MCM4: variants seen among roughly 807,000 people sequenced by gnomAD.
The protein encoded by MCM4 is DNA replication licensing factor MCM4.
In MCM4, 60 loss-of-function variants were observed where a neutral mutation model predicts 88.7. The observed-to-expected ratio is 0.68, with a 90% confidence interval of 0.55 to 0.84. The LOEUF (loss-of-function observed/expected upper bound fraction) is 0.84. Among genes scored for constraint, MCM4 ranks in the 40% least tolerant of loss-of-function variants. The pLI is 0.00. For synonymous variants in MCM4, 465 were observed against 410.5 expected, an observed-to-expected ratio of 1.13 and a Z score of -1.61; for missense variants, 1,149 against 1,105.5, an observed-to-expected ratio of 1.04 and a Z score of -0.56.
intron 10 of MCM4, 107 bp downstream of exon 10, chr8:47,967,592 T>A: frequency 7.2e-7 from 1 of 1,397,172 alleles, no homozygotes; most frequent in Non-Finnish European, 1.0e-6. Context: ...TACCTCCAGT[T>A]GTCACTGCTT....
At chr8:47,974,609 G>A (rs1023705219) in intron 14 of MCM4, 125 bp from the exon 15 acceptor site, 36 of 739,512 alleles carry the variant, frequency 4.9e-5, no homozygotes, top group Middle Eastern at 3.9e-4. Context: ...GATGAGCTCC[G>A]GGGCCCAGGA....
intron 14 of MCM4, among the ~76,000 whole-genome samples, 196 bp downstream of exon 14, chr8:47,973,260 C>G (rs2090972045): frequency 6.6e-6 from 1 of 151,612 alleles, no homozygotes; most frequent in East Asian, 2.0e-4. Flanking sequence ...AGCCTGTGGC[C>G]TGTGCTTCTG....
intron 2 of MCM4, 76 bp from the exon 3 acceptor site, chr8:47,961,440 C>T: frequency 2.5e-6 from 4 of 1,609,568 alleles, no homozygotes; most frequent in Non-Finnish European, 3.4e-6. Context: ...AGTCATAATG[C>T]CCCAAGGAAA....
Position 47,964,691 on chromosome 8 carries a change from ATGAGAAACC to A in MCM4, c.815_823del (p.Arg272_Leu274del). On this transcript the variant is annotated inframe_deletion, in exon 8 of 17. Transcript: ENST00000649973. ...ATTCAACGCATTGAAGACTAAGAATATGAGAAACCTGAATCCAGAAGGTAATGTATTTTT... is the reference window on the plus strand; with the variant it reads ...ATTCAACGCATTGAAGACTAAGAATATGAATCCAGAAGGTAATGTATTTTT... The A allele has an allele frequency of 6.4e-7, 1 of 1,569,412 alleles. No homozygotes were observed. The highest frequency in any genetic ancestry group is 8.6e-7 in the Non-Finnish European group (1 of 1,162,668).
intron 3 of MCM4, 143 bp downstream of exon 3, chr8:47,961,823 A>T: frequency 1.8e-6 from 2 of 1,139,660 alleles, no homozygotes; most frequent in Non-Finnish European, 2.5e-6. Context: ...TAACCAGAGG[A>T]GCTGAACGGA....
intron 14 of MCM4, 172 bp from the exon 15 acceptor site, chr8:47,974,562 C>A: frequency 1.6e-6 from 1 of 625,426 alleles, no homozygotes; most frequent in Non-Finnish European, 2.9e-6. Flanking sequence ...TCTTCACCTG[C>A]GATTTCTGTG....
chr8:47,961,106 G>T, intron 1 of MCM4, 25 bp from the exon 2 acceptor site: 1 of 1,527,530 alleles, frequency 6.5e-7, no homozygotes, highest in Non-Finnish European at 8.7e-7. Context: ...GGCGGGCCCG[G>T]CCCGAGCTTG....
rs759434295 is a variant in MCM4 at position 47,972,965 on chromosome 8, G to T, written c.2037G>T (p.Glu679Asp). The T allele has an allele frequency of 6.2e-7, 1 of 1,614,072 alleles. No homozygotes were observed. Among genetic ancestry groups the T allele is most frequent in the African/African-American group, 1.3e-5 (1 of 74,932 alleles). Reference sequence around the variant, plus strand: ...ACCAGAGCGAGGAGCAGGCAGAGGAGGAGCTCCTGGACATGGCGGTGCTAA... The same window carrying T: ...ACCAGAGCGAGGAGCAGGCAGAGGATGAGCTCCTGGACATGGCGGTGCTAA... ...LYYQSEEQAEEELLDMAVLKD... is the reference protein window; with the variant it reads ...LYYQSEEQAEDELLDMAVLKD... The change falls in exon 14 of 17, where the codon GAG (glutamate) becomes GAT (aspartate). Residue 679 changes from glutamate to aspartate, a missense_variant. Transcript: ENST00000649973.
chr8:47,974,983 A>G (rs371797675), intron 15 of MCM4, 21 bp downstream of exon 15: 152 of 1,573,108 alleles, frequency 9.7e-5, no homozygotes, highest in Middle Eastern at 6.7e-4. Flanking sequence ...TTCAGTGAAC[A>G]GAAAAGCTTT....
At chr8:47,975,657 T>A (rs1563836661) in intron 15 of MCM4, 58 bp from the exon 16 acceptor site, 1 of 1,346,836 alleles carries the variant, frequency 7.4e-7, no homozygotes, top group Non-Finnish European at 1.0e-6. Flanking sequence ...TTTTGAGAAT[T>A]TGAAGCATTT....
At position 47,970,521 on chromosome 8, in the gene MCM4, T is replaced by C; in HGVS notation, c.1445T>C (p.Leu482Pro). The change falls in exon 12 of 17, where the codon CTT becomes CCT. Residue 482 changes from leucine to proline, a missense_variant. Around this residue, in one of 3 missense-constraint regions of MCM4, gnomAD observed 906 missense variants for 843.0 expected, o/e 1.07. Coordinates refer to ENST00000649973, the MANE Select transcript of MCM4 (RefSeq NM_182746.3). ...EHEDIKKGIL[L>P]QLFGGTRKDF... ...TCTCTGATTATTTAGGGAATTTTGCTTCAGCTCTTTGGCGGGACAAGGAAG... is the reference window on the plus strand; with the variant it reads ...TCTCTGATTATTTAGGGAATTTTGCCTCAGCTCTTTGGCGGGACAAGGAAG... 6.3e-7 allele frequency: 1 copy of C among 1,598,064 alleles called. No individual in the cohort carries two copies. Among genetic ancestry groups the C allele is most frequent in the Non-Finnish European group, 8.6e-7 (1 of 1,167,948 alleles).
At chr8:47,965,258 G>C (rs774214679) in intron 8 of MCM4, among the ~76,000 whole-genome samples, 2 of 151,920 alleles carry the variant, frequency 1.3e-5, no homozygotes, top group Non-Finnish European at 1.5e-5. Context: ...AGGATCACTT[G>C]AGGCCAGGAG....
rs768531205 is a variant in MCM4, at chr8:47,970,561, T to C, written c.1485T>C (p.Thr495=). 1.2e-6 allele frequency: 2 copies of C among 1,613,662 alleles called. No homozygotes were observed. The highest frequency in any genetic ancestry group is 1.7e-5 in the Admixed American group (1 of 59,986). ...GGACAAGGAAGGATTTTAGTCACAC[T>C]GGAAGGGGCAAATTTCGGGCTGAGA... ...FGGTRKDFSH[T]GRGKFRAEIN... is the part of the protein sequence containing the mutation. The change falls in exon 12 of 17, where the codon ACT becomes ACC. Residue 495 remains threonine, a synonymous_variant. Transcript: ENST00000649973.
chr8:47,976,321 T>C (rs1589835457), intron 16 of MCM4, among the ~76,000 whole-genome samples: 1 of 151,948 alleles, frequency 6.6e-6, no homozygotes, highest in East Asian at 1.9e-4. Context: ...AAAATTGTTA[T>C]GCCCCTTTCA....
intron 10 of MCM4, chr8:47,968,896 A>C (rs2090924651): frequency 6.6e-6 from 1 of 151,242 alleles, no homozygotes; most frequent in Admixed American, 6.6e-5. Context: ...AGAAGAATGC[A>C]TGATTTGCAT....
In MCM4 at chr8:47,966,308, C is replaced by T. The variant is rs1283087056; in HGVS notation, c.954C>T (p.Asp318=). 6.2e-7 allele frequency: 1 copy of T among 1,614,050 alleles called. No homozygotes were observed. The highest frequency in any genetic ancestry group is 1.1e-5 in the South Asian group (1 of 91,084). The change falls in exon 9 of 17, where the codon GAC becomes GAT. Residue 318 remains aspartate (D), a synonymous_variant. Transcript: ENST00000649973. ...VCAHTTRVEM[D]RGRIAEPSVC... ...CCCACACGACCCGGGTGGAGATGGA[C>T]CGCGGCCGCATTGCAGAGCCCAGTG...
At chr8:47,963,501 T>C (rs554979418) in intron 7 of MCM4, among the ~76,000 whole-genome samples, 2 of 152,300 alleles carry the variant, frequency 1.3e-5, no homozygotes, top group South Asian at 4.2e-4. Flanking sequence ...GAACATTTTT[T>C]TTTCACATTT....
Position 47,961,144 on chromosome 8 carries a change from T to A in MCM4, c.-1T>A, listed in dbSNP as rs764802078. ...CTTGTCGCGCAGGTACTCCGAGCAC[T>A]ATGTCGTCCCCGGCGTCGACCCCGA... is the stretch of plus-strand genomic sequence containing the variant. On this transcript the variant is annotated 5_prime_UTR_variant, in exon 2 of 17. Transcript: ENST00000649973. 6 of 1,553,354 alleles carry A rather than the reference T, an allele frequency of 3.9e-6. No individual in the cohort carries two copies. The Admixed American group carries it at 7.2e-5, about 19-fold the overall frequency.
At position 47,970,896 on chromosome 8, in the gene MCM4, G is replaced by A. The variant is rs566442172; in HGVS notation, c.1800+20G>A. Reference sequence around the variant, plus strand: ...GCAAAGGTGAGTCGCCTTCTCCACCGTGAACATGGACGTGTTTAAAATATG... The same window carrying A: ...GCAAAGGTGAGTCGCCTTCTCCACCATGAACATGGACGTGTTTAAAATATG... On this transcript the variant is annotated intron_variant, in intron 12 of 16. Coordinates refer to ENST00000649973, the MANE Select transcript of MCM4 (RefSeq NM_182746.3). 1.7e-4 allele frequency: 267 copies of A among 1,563,834 alleles called. 1 individual carries two copies. The South Asian group carries it at 2.6e-3, about 15-fold the overall frequency.
Sources: allele counts gnomAD v4.1 joint callset (sites outside exome capture counted in the v4.1 genomes callset), GRCh38; gene constraint gnomAD v4.1.1; regional missense constraint gnomAD v4.1.1; transcripts MANE v1.5; gene names NCBI Gene and HGNC (gene_info 2026-07-23, HGNC 2026-07-21).